CDH13: variants seen among roughly 807,000 people sequenced by gnomAD.
CDH13 encodes cadherin 13.
In CDH13, 24 loss-of-function variants were observed where a neutral mutation model predicts 63.8. That is an observed-to-expected ratio of 0.38 (90% CI 0.27 to 0.53). CDH13 has a LOEUF of 0.53. CDH13 is among the 20% of genes least tolerant of loss of function. The pLI is 0.85. For synonymous variants in CDH13, 503 were observed against 355.3 expected (o/e 1.42, Z -4.67); for missense variants, 1,049 against 903.1 (o/e 1.16, Z -2.07).
chr16:83,690,771 G>C (rs1376783597), intron 10 of CDH13, among the ~76,000 whole-genome samples: 1 of 152,084 alleles, frequency 6.6e-6, no homozygotes, highest in African/African-American at 2.4e-5. Context: ...TTTCTGGCTG[G>C]AGTACAGTGC....
chr16:83,444,532 T>C (rs2072608322), intron 6 of CDH13, among the ~76,000 whole-genome samples: 1 of 152,124 alleles, frequency 6.6e-6, no homozygotes, highest in Non-Finnish European at 1.5e-5. Flanking sequence ...ACCTGATGAG[T>C]GGCAGAACCA....
chr16:83,556,071 A>G (rs150489479), intron 7 of CDH13, among the ~76,000 whole-genome samples: 253 of 152,350 alleles, frequency 1.7e-3, no homozygotes, highest in African/African-American at 5.8e-3. Context: ...TGACTTTACA[A>G]AAAGACTTAA....
intron 1 of CDH13, among the ~76,000 whole-genome samples, chr16:82,854,606 T>C (rs183988543): frequency 7.9e-5 from 12 of 152,164 alleles, no homozygotes; most frequent in South Asian, 2.1e-4. Context: ...AAGCGAAGAG[T>C]GTGCTGGTTT....
Position 82,690,139 on chromosome 16 carries a change from G to T in CDH13, c.45+63002G>T, listed in dbSNP as rs1040508460. Among the ~76,000 whole-genome samples the T allele has an allele frequency of 1.3e-4, 18 of 135,430 alleles. No homozygotes were observed. The South Asian group carries it at 4.3e-3, about 32-fold the overall frequency. 88.8% of individuals were successfully genotyped at this position (135,430 alleles called of 152,430 possible). A position where few individuals can be genotyped will look rare whatever the true frequency, so the allele number is the denominator to read the frequency against. Reference sequence around the variant, plus strand: ...GCCAAGATTGTGCTATTGCACTCCAGCCTGGGCAACAAGAAACTCTGTCTC... The same window carrying T: ...GCCAAGATTGTGCTATTGCACTCCATCCTGGGCAACAAGAAACTCTGTCTC... On this transcript the variant is annotated intron_variant, in intron 1 of 13. Transcript: ENST00000567109.
At chr16:83,157,459 T>G (rs568742276) in intron 4 of CDH13, among the ~76,000 whole-genome samples, 2 of 152,220 alleles carry the variant, frequency 1.3e-5, no homozygotes, top group Admixed American at 1.3e-4. Context: ...ATTTACATTA[T>G]AGTTATATTT....
chr16:83,227,011 G>T (rs998401704), intron 5 of CDH13, among the ~76,000 whole-genome samples: 6 of 152,236 alleles, frequency 3.9e-5, no homozygotes, highest in South Asian at 2.1e-4. Context: ...CGAAAGAGGG[G>T]ATACGGACAG....
chr16:83,185,494 C>G (rs1185825233), intron 4 of CDH13, among the ~76,000 whole-genome samples: 1 of 152,166 alleles, frequency 6.6e-6, no homozygotes, highest in Non-Finnish European at 1.5e-5. Context: ...ACATTTGATG[C>G]TAAACGCTAT....
intron 5 of CDH13, among the ~76,000 whole-genome samples, chr16:83,311,292 T>C (rs2151885688): frequency 6.6e-6 from 1 of 152,150 alleles, no homozygotes; most frequent in South Asian, 2.1e-4. Flanking sequence ...TGTCCCGGTG[T>C]GTGAAAGGAG....
At chr16:83,769,879 A>T (rs1914647262) in intron 11 of CDH13, among the ~76,000 whole-genome samples, 1 of 152,142 alleles carries the variant, frequency 6.6e-6, no homozygotes. Flanking sequence ...GCAGGCTGAA[A>T]GGGGAAAGGA....
At chr16:83,097,648 G>A (rs1328319362) in intron 3 of CDH13, among the ~76,000 whole-genome samples, 1 of 152,130 alleles carries the variant, frequency 6.6e-6, no homozygotes, top group African/African-American at 2.4e-5. Flanking sequence ...TGAAGAGGCA[G>A]CATCTTTAGA....
intron 6 of CDH13, among the ~76,000 whole-genome samples, chr16:83,353,576 A>G (rs1194785119): frequency 2.0e-5 from 3 of 152,236 alleles, no homozygotes; most frequent in Non-Finnish European, 2.9e-5. Context: ...ATAACTGTGA[A>G]AACAACTCTT....
intron 7 of CDH13, among the ~76,000 whole-genome samples, chr16:83,555,858 C>G (rs953714904): frequency 1.3e-5 from 2 of 152,172 alleles, no homozygotes; most frequent in African/African-American, 2.4e-5. Flanking sequence ...AAGGACTGTA[C>G]ATGACATATC....
rs377007492 is a variant in CDH13 at position 83,456,344 on chromosome 16, C to A, written c.782-30133C>A. On this transcript the variant is annotated intron_variant, in intron 6 of 13. Transcript: ENST00000567109. ...GGGACTGGTTGAGCACAGTGAGGCC[C>A]CGTCTTAGGTAAAGAGGATACAGAA... Among the ~76,000 whole-genome samples the A allele has an allele frequency of 1.9e-4, 29 of 152,302 alleles. No homozygotes were observed. The East Asian group carries it at 4.6e-3, about 24-fold the overall frequency.
intron 1 of CDH13, among the ~76,000 whole-genome samples, chr16:82,847,366 A>C (rs1257710215): frequency 6.6e-6 from 1 of 152,162 alleles, no homozygotes; most frequent in South Asian, 2.1e-4. Flanking sequence ...TCTCATGGGG[A>C]GAATTCCCTT....
At chr16:83,216,427 T>TATATATATATATATATATATATAAAA (rs71148821) in intron 4 of CDH13, among the ~76,000 whole-genome samples, 1 of 45,054 alleles carries the variant, frequency 2.2e-5, no homozygotes, top group Non-Finnish European at 5.0e-5. Context: ...TATATATATA[T>TATATATATATATATATATATATAAAA]ATATATATAT....
At chr16:83,457,638 C>T (rs968688108) in intron 6 of CDH13, among the ~76,000 whole-genome samples, 1 of 152,114 alleles carries the variant, frequency 6.6e-6, no homozygotes, top group Non-Finnish European at 1.5e-5. Context: ...AAGGCAGACT[C>T]TGCTTTAGAG....
intron 2 of CDH13, among the ~76,000 whole-genome samples, chr16:82,869,335 G>A (rs1027979635): frequency 3.3e-5 from 5 of 151,798 alleles, no homozygotes; most frequent in African/African-American, 4.8e-5. Context: ...GAACCACTGC[G>A]CTCAGCGGGA....
chr16:83,766,567 A>C (rs755864066), intron 11 of CDH13, among the ~76,000 whole-genome samples: 7 of 152,220 alleles, frequency 4.6e-5, no homozygotes, highest in Non-Finnish European at 1.0e-4. Context: ...TTCCAAGGTA[A>C]GACATATGCT....
At position 83,441,204 on chromosome 16, in the gene CDH13, G is replaced by A. The variant is rs542937296; in HGVS notation, c.782-45273G>A. ...GATGGATCTTCCAGAGACTCCTCTCGCCTGTCATTTGTTGGCACTCAATCT... is the reference window on the plus strand; with the variant it reads ...GATGGATCTTCCAGAGACTCCTCTCACCTGTCATTTGTTGGCACTCAATCT... On this transcript the variant is annotated intron_variant, in intron 6 of 13. Coordinates refer to ENST00000567109, the MANE Select transcript of CDH13 (RefSeq NM_001257.5). 9.2e-5 allele frequency among the ~76,000 whole-genome samples: 14 copies of A among 152,256 alleles called. No individual in the cohort carries two copies. In the East Asian group the frequency reaches 1.7e-3, roughly 19 times the overall value.
Sources: gnomAD v4.1 joint callset for allele counts (sites outside exome capture counted in the v4.1 genomes callset) on GRCh38, gnomAD v4.1.1 for gene constraint, MANE v1.5 for transcripts, NCBI Gene and HGNC (gene_info 2026-07-23, HGNC 2026-07-21) for gene names.